TBC1D5: variants seen among roughly 807,000 people sequenced by gnomAD.
TBC1D5 encodes the protein TBC1 domain family, member 5.
Under a neutral mutation model 100.3 loss-of-function variants are expected in TBC1D5, and 75 were observed. That is an observed-to-expected ratio of 0.75 (90% CI 0.62 to 0.91). The LOEUF is 0.91. TBC1D5 is among the 40% of genes least tolerant of loss of function. The probability of loss-of-function intolerance (pLI) is 0.00; values close to 1 mark genes in which losing one functional copy is unlikely to be tolerated. For synonymous variants in TBC1D5, 323 were observed against 325.6 expected, an observed-to-expected ratio of 0.99 and a Z score of 0.09; for missense variants, 910 against 942.4, an observed-to-expected ratio of 0.97 and a Z score of 0.45.
At chr3:17,311,614 C>A (rs185942409) in intron 13 of TBC1D5, among the ~76,000 whole-genome samples, 123 of 152,142 alleles carry the variant, frequency 8.1e-4, no homozygotes, top group Admixed American at 2.3e-3. Context: ...TTTGACTGAG[C>A]TTTAAATAAA....
intron 9 of TBC1D5, among the ~76,000 whole-genome samples, chr3:17,380,678 CAA>C (rs2092911505): frequency 6.6e-6 from 1 of 151,946 alleles, no homozygotes; most frequent in Non-Finnish European, 1.5e-5. Context: ...ATAAAGGTAA[CAA>C]AAGTTTTCTT....
chr3:17,259,242 C>G (rs1200750977), intron 15 of TBC1D5, among the ~76,000 whole-genome samples: 1 of 152,220 alleles, frequency 6.6e-6, no homozygotes, highest in Non-Finnish European at 1.5e-5. Flanking sequence ...AGCAAAAACA[C>G]TGCCCTTTCT....
rs117849654 is a variant in TBC1D5, at chr3:17,537,848, C to T, written c.-35-29243G>A. 1.9e-3 allele frequency among the ~76,000 whole-genome samples: 291 copies of T among 152,322 alleles called. 7 individuals are homozygous for T. The South Asian group carries it at 0.05, about 26-fold the overall frequency. Reference sequence around the variant, plus strand: ...TTTGCTTCTGTAAACCCAAAAGTATCTGAGACAAGTCTCGTTCAACTTAGA... The same window carrying T: ...TTTGCTTCTGTAAACCCAAAAGTATTTGAGACAAGTCTCGTTCAACTTAGA... On this transcript the variant is annotated intron_variant, in intron 2 of 21. Coordinates refer to ENST00000253692, the Ensembl canonical transcript of TBC1D5.
intron 2 of TBC1D5, among the ~76,000 whole-genome samples, chr3:17,613,421 A>C (rs1560282623): frequency 6.6e-6 from 1 of 152,204 alleles, no homozygotes; most frequent in Non-Finnish European, 1.5e-5. Flanking sequence ...TTGCTAGGTC[A>C]AATAGTATTT....
In TBC1D5 at chr3:17,690,204, A is replaced by ATTT. The variant is rs1199260338; in HGVS notation, c.-101+49136_-101+49138dup. On this transcript the variant is annotated intron_variant, in intron 1 of 21. Coordinates refer to ENST00000253692, the Ensembl canonical transcript of TBC1D5. ...AGAACTGAAGCATAAAAATAGCCAT[A>ATTT]TTTTTTTTTTTTTTTTTTTTTTTTT... Among the ~76,000 whole-genome samples, 213 of 47,032 alleles carry ATTT rather than the reference A, an allele frequency of 4.5e-3. 38 individuals carry two copies. The highest frequency in any genetic ancestry group is 6.2e-3 in the African/African-American group (88 of 14,094). The allele number at this position is 47,032 out of a possible 152,430, so 30.9% of individuals were successfully genotyped here.
chr3:17,685,935 A>C (rs1258881273), intron 1 of TBC1D5, among the ~76,000 whole-genome samples: 1 of 152,154 alleles, frequency 6.6e-6, no homozygotes, highest in African/African-American at 2.4e-5. Flanking sequence ...CTAGTGGACA[A>C]TGTTTTACAA....
At chr3:17,711,280 A>T (rs1474819023) in intron 1 of TBC1D5, among the ~76,000 whole-genome samples, 1 of 152,194 alleles carries the variant, frequency 6.6e-6, no homozygotes, top group Non-Finnish European at 1.5e-5. Context: ...TTTATGTATA[A>T]AAGTTTTTAA....
intron 1 of TBC1D5, among the ~76,000 whole-genome samples, chr3:17,698,633 C>T: frequency 6.8e-6 from 1 of 146,614 alleles, no homozygotes; most frequent in East Asian, 2.1e-4. Context: ...AAAATTTTCG[C>T]AACCTACTCA....
chr3:17,548,073 G>C (rs1018800916), intron 2 of TBC1D5, among the ~76,000 whole-genome samples: 4 of 152,028 alleles, frequency 2.6e-5, no homozygotes, highest in African/African-American at 9.7e-5. Flanking sequence ...CCAACATTTT[G>C]GGAGGCCAAG....
At chr3:17,428,731 C>T (rs1437637202) in intron 3 of TBC1D5, among the ~76,000 whole-genome samples, 3 of 151,852 alleles carry the variant, frequency 2.0e-5, no homozygotes, top group African/African-American at 7.2e-5. Context: ...TGGACAGTAA[C>T]AGTACCAAAG....
intron 13 of TBC1D5, among the ~76,000 whole-genome samples, chr3:17,361,154 G>A (rs1009306633): frequency 1.3e-5 from 2 of 151,792 alleles, no homozygotes; most frequent in Non-Finnish European, 2.9e-5. Flanking sequence ...AACTATTTAC[G>A]TGACTGGAAC....
intron 18 of TBC1D5, among the ~76,000 whole-genome samples, chr3:17,185,754 A>C (rs577618966): frequency 7.2e-5 from 11 of 152,250 alleles, no homozygotes; most frequent in African/African-American, 2.6e-4. Context: ...GACAATGATA[A>C]TCTCTTAAAA....
chr3:17,235,812 C>A (rs1050144853), intron 17 of TBC1D5, among the ~76,000 whole-genome samples: 3 of 152,104 alleles, frequency 2.0e-5, no homozygotes, highest in Admixed American at 2.0e-4. Context: ...TTCCACAAAC[C>A]GTTCTCTTTG....
rs926102042 is a variant in TBC1D5 at position 17,244,032 on chromosome 3, A to T, written c.1332-5613T>A. 3.3e-5 allele frequency among the ~76,000 whole-genome samples: 5 copies of T among 152,196 alleles called. No homozygotes were observed. The South Asian group carries it at 1.0e-3, about 31-fold the overall frequency. On this transcript the variant is annotated intron_variant, in intron 16 of 21. Coordinates refer to ENST00000253692, the Ensembl canonical transcript of TBC1D5. ...ATATAGTGAGGGATGCCATGAAGGA[A>T]AGCAGCCCTTTTTTGGTGTGGCTTA... is the stretch of plus-strand genomic sequence containing the variant.
At chr3:17,611,674 AC>A (rs1403957130) in intron 2 of TBC1D5, among the ~76,000 whole-genome samples, 1 of 152,210 alleles carries the variant, frequency 6.6e-6, no homozygotes, top group East Asian at 1.9e-4. Context: ...CAACTGAGAA[AC>A]CAGAGTGGAG....
At chr3:17,527,942 C>T (rs866933090) in intron 2 of TBC1D5, among the ~76,000 whole-genome samples, 2 of 151,908 alleles carry the variant, frequency 1.3e-5, no homozygotes, top group South Asian at 4.2e-4. Context: ...ATTCTGTTTT[C>T]TTTTTCATAT....
intron 2 of TBC1D5, among the ~76,000 whole-genome samples, chr3:17,606,165 T>C (rs1328973290): frequency 1.3e-5 from 2 of 152,168 alleles, no homozygotes; most frequent in African/African-American, 2.4e-5. Context: ...TAGGGCTGCG[T>C]ACAGTGGCTC....
chr3:17,368,722 T>C lies in TBC1D5; in HGVS notation c.995+3353A>G, dbSNP rs370975594. 1.4e-4 allele frequency among the ~76,000 whole-genome samples: 21 copies of C among 151,912 alleles called. No homozygotes were observed. The East Asian group carries it at 1.7e-3, about 13-fold the overall frequency. ...AATTTTTCATTTTTACTATAATTTA[T>C]AATTTTCTTGAAACATTTTACTTTA... On this transcript the variant is annotated intron_variant, in intron 13 of 21. Transcript: ENST00000253692.
At chr3:17,312,727 C>T (rs1189993806) in intron 13 of TBC1D5, among the ~76,000 whole-genome samples, 2 of 152,142 alleles carry the variant, frequency 1.3e-5, no homozygotes, top group East Asian at 3.9e-4. Context: ...AATTACCACC[C>T]ATTCCTACTG....
Sources: allele counts gnomAD v4.1 joint callset (sites outside exome capture counted in the v4.1 genomes callset), GRCh38; gene constraint gnomAD v4.1.1; transcripts MANE v1.5; gene names NCBI Gene and HGNC (gene_info 2026-07-23, HGNC 2026-07-21).